TMEM65: variants seen among roughly 807,000 people sequenced by gnomAD.
TMEM65 encodes the protein transmembrane protein 65.
A neutral mutation model predicts 25.4 loss-of-function variants in TMEM65; 22 were observed. That is an observed-to-expected ratio of 0.86 (90% CI 0.62 to 1.23). The LOEUF (loss-of-function observed/expected upper bound fraction) is 1.23. Among genes scored for constraint, TMEM65 ranks in the 50% most tolerant of loss-of-function variants. The probability of loss-of-function intolerance (pLI) is 0.00; values close to 1 mark genes in which losing one functional copy is unlikely to be tolerated. For missense variants in TMEM65, 262 were observed against 308.2 expected, an observed-to-expected ratio of 0.85 and a Z score of 1.12; for synonymous variants, 132 against 126.2, an observed-to-expected ratio of 1.05 and a Z score of -0.31.
chr8:124,365,687 T>C (rs1814928989), intron 1 of TMEM65, among the ~76,000 whole-genome samples: 2 of 152,046 alleles, frequency 1.3e-5, no homozygotes, highest in Admixed American at 6.5e-5. Flanking sequence ...GTTCTTATAA[T>C]AGGGAGGCAA....
chr8:124,335,977 G>A (rs1403903787), intron 1 of TMEM65, among the ~76,000 whole-genome samples: 2 of 151,978 alleles, frequency 1.3e-5, no homozygotes, highest in Non-Finnish European at 2.9e-5. Context: ...CCAACTATAT[G>A]ATATCCCAAG....
intron 1 of TMEM65, among the ~76,000 whole-genome samples, chr8:124,339,767 T>G (rs1000520230): frequency 6.6e-6 from 1 of 151,958 alleles, no homozygotes; most frequent in Non-Finnish European, 1.5e-5. Context: ...CAAAGTGGTT[T>G]CCCCTAAATC....
In TMEM65 at chr8:124,307,661, G is replaced by C. The variant is rs1452547307; in HGVS notation, c.*6299C>G. 1 of 152,118 alleles carries C rather than the reference G, an allele frequency of 6.6e-6. No individual in the cohort carries two copies. The highest frequency in any genetic ancestry group is 1.9e-4 in the East Asian group (1 of 5,174). 9.4% of individuals were successfully genotyped at this position (152,118 alleles called of 1,614,324 possible). Reference sequence around the variant, plus strand: ...AATTTAAAGCAAAAGGAAGGTGAAGGATCTAAATCTAGAGAATTTAATGCC... The same window carrying C: ...AATTTAAAGCAAAAGGAAGGTGAAGCATCTAAATCTAGAGAATTTAATGCC... On this transcript the variant is annotated 3_prime_UTR_variant, in exon 7 of 7. Coordinates refer to ENST00000297632, the MANE Select transcript of TMEM65 (RefSeq NM_194291.3).
intron 2 of TMEM65, among the ~76,000 whole-genome samples, chr8:124,328,762 A>T (rs373453419): frequency 6.6e-6 from 1 of 152,126 alleles, no homozygotes; most frequent in Non-Finnish European, 1.5e-5. Context: ...CCCTTAAACC[A>T]ACTGGTTATA....
intron 1 of TMEM65, among the ~76,000 whole-genome samples, chr8:124,340,380 G>T (rs2131212324): frequency 6.6e-6 from 1 of 152,094 alleles, no homozygotes; most frequent in East Asian, 1.9e-4. Flanking sequence ...TTGACTTAAA[G>T]AAAAATAAGC....
chr8:124,361,362 G>T (rs1440795664), intron 1 of TMEM65, among the ~76,000 whole-genome samples: 1 of 151,240 alleles, frequency 6.6e-6, no homozygotes, highest in Non-Finnish European at 1.5e-5. Context: ...TTGAACCAGG[G>T]AGGCAGAGGT....
chr8:124,309,500 T>G lies in TMEM65; in HGVS notation c.*4460A>C, dbSNP rs1018503466. The G allele has an allele frequency of 6.6e-6, 1 of 152,230 alleles. No homozygotes were observed. The highest frequency in any genetic ancestry group is 1.5e-5 in the Non-Finnish European group (1 of 68,042). The allele number at this position is 152,230 out of a possible 1,614,324, so 9.4% of individuals were successfully genotyped here. A position where few individuals can be genotyped will look rare whatever the true frequency, so the allele number is the denominator to read the frequency against. ...AGGCTTAATGCAGTTATTAGTAATA[T>G]GAAACAAAAAGAAAACATTTTACAA... On this transcript the variant is annotated 3_prime_UTR_variant, in exon 7 of 7. Coordinates refer to ENST00000297632, the MANE Select transcript of TMEM65 (RefSeq NM_194291.3).
At chr8:124,371,529 G>C (rs1484894089) in intron 1 of TMEM65, among the ~76,000 whole-genome samples, 1 of 152,194 alleles carries the variant, frequency 6.6e-6, no homozygotes, top group Non-Finnish European at 1.5e-5. Flanking sequence ...GGGGAGGCAC[G>C]GGGCAAATCA....
intron 6 of TMEM65, among the ~76,000 whole-genome samples, chr8:124,317,378 AT>A (rs1814251703): frequency 6.6e-6 from 1 of 152,040 alleles, no homozygotes; most frequent in African/African-American, 2.4e-5. Context: ...ATTTTCAGAA[AT>A]TTTATTTGAT....
chr8:124,355,321 A>G, intron 1 of TMEM65, among the ~76,000 whole-genome samples: 1 of 152,188 alleles, frequency 6.6e-6, no homozygotes, highest in East Asian at 1.9e-4. Flanking sequence ...CCAGTTCACA[A>G]AATGTACCAC....
Position 124,323,089 on chromosome 8 carries a change from A to C in TMEM65, c.472+232T>G, listed in dbSNP as rs866961054. Among the ~76,000 whole-genome samples, 7 of 152,292 alleles carry C rather than the reference A, an allele frequency of 4.6e-5. No homozygotes were observed. The South Asian group carries it at 1.4e-3, about 32-fold the overall frequency. ...ATTGCCAGAAAATCTTGTCTTAACG[A>C]AATCAATATAGCAGAGTATTGTTAT... On this transcript the variant is annotated intron_variant, in intron 4 of 6. Transcript: ENST00000297632.
At chr8:124,335,837 G>A (rs977031499) in intron 1 of TMEM65, among the ~76,000 whole-genome samples, 2 of 151,848 alleles carry the variant, frequency 1.3e-5, no homozygotes, top group South Asian at 4.2e-4. Flanking sequence ...AAAACAGAGG[G>A]TCAAACAGAA....
At position 124,372,196 on chromosome 8, in the gene TMEM65, A is replaced by T; in HGVS notation, c.-39T>A. ...GCTGGGACCCCCGCGGCCGTCCGGC[A>T]AGGCGGTTTCTGGCGCGGCTGAGGC... is the stretch of plus-strand genomic sequence containing the variant. On this transcript the variant is annotated 5_prime_UTR_variant, in exon 1 of 7. Transcript: ENST00000297632. 8.4e-7 allele frequency: 1 copy of T among 1,196,320 alleles called. No individual in the cohort carries two copies. Among genetic ancestry groups the T allele is most frequent in the South Asian group, 1.6e-5 (1 of 61,038 alleles). 74.1% of individuals were successfully genotyped at this position (1,196,320 alleles called of 1,614,324 possible). A position where few individuals can be genotyped will look rare whatever the true frequency, so the allele number is the denominator to read the frequency against.
At chr8:124,358,311 G>A (rs118064810) in intron 1 of TMEM65, among the ~76,000 whole-genome samples, 2,723 of 152,204 alleles carry the variant, frequency 0.018, 57 homozygotes, top group Middle Eastern at 0.044. Context: ...TTCAATAATT[G>A]GTAAGTAATG....
At chr8:124,362,855 GTTTACCT>G (rs1814889765) in intron 1 of TMEM65, among the ~76,000 whole-genome samples, 1 of 152,038 alleles carries the variant, frequency 6.6e-6, no homozygotes, top group East Asian at 1.9e-4. Context: ...AAATGTGTTT[GTTTACCT>G]TTTAAGTAAA....
intron 1 of TMEM65, among the ~76,000 whole-genome samples, chr8:124,331,391 TAATA>T (rs1814429882): frequency 6.8e-6 from 1 of 148,050 alleles, no homozygotes; most frequent in South Asian, 2.1e-4. Flanking sequence ...ATATATTAAT[TAATA>T]TATAAGATAT....
intron 5 of TMEM65, 29 bp downstream of exon 5, chr8:124,322,076 T>C: frequency 6.4e-7 from 1 of 1,563,568 alleles, no homozygotes; most frequent in South Asian, 1.1e-5. Context: ...AAGTACAGAA[T>C]ATACAAATGA....
intron 1 of TMEM65, among the ~76,000 whole-genome samples, chr8:124,341,769 G>C (rs1315148184): frequency 6.6e-6 from 1 of 151,412 alleles, no homozygotes; most frequent in East Asian, 1.9e-4. Flanking sequence ...TTTAATCACG[G>C]ATTTTAAACA....
At position 124,312,775 on chromosome 8, in the gene TMEM65, C is replaced by T. The variant is rs1027045721; in HGVS notation, c.*1185G>A. On this transcript the variant is annotated 3_prime_UTR_variant, in exon 7 of 7. Transcript: ENST00000297632. ...ACCACAAAAGAAGAAAAAAGAAAAA[C>T]AAAGGGAAAAAGGATTTCTCCTCAT... 6.6e-6 allele frequency: 1 copy of T among 151,610 alleles called. No homozygotes were observed. The highest frequency in any genetic ancestry group is 2.1e-4 in the South Asian group (1 of 4,834). The allele number at this position is 151,610 out of a possible 1,614,324, so 9.4% of individuals were successfully genotyped here.
Sources: allele counts gnomAD v4.1 joint callset (sites outside exome capture counted in the v4.1 genomes callset), GRCh38; gene constraint gnomAD v4.1.1; transcripts MANE v1.5; gene names NCBI Gene and HGNC (gene_info 2026-07-23, HGNC 2026-07-21).